ARIH1: variants seen among roughly 807,000 people sequenced by gnomAD.
ARIH1 encodes the protein ariadne RBR E3 ubiquitin protein ligase 1, also known as E3 ubiquitin-protein ligase ARIH1.
In ARIH1, 8 loss-of-function variants were observed where a neutral mutation model predicts 85.0. That is an observed-to-expected ratio of 0.09 (90% CI 0.06 to 0.17). The LOEUF (loss-of-function observed/expected upper bound fraction) is 0.17. Among genes scored for constraint, ARIH1 ranks in the 10% least tolerant of loss-of-function variants. The pLI, the probability that ARIH1 is intolerant of heterozygous loss-of-function variation, is 1.00. For synonymous variants in ARIH1, 238 were observed against 253.6 expected (o/e 0.94, Z 0.59); for missense variants, 311 against 718.1 (o/e 0.43, Z 6.48).
intron 1 of ARIH1, among the ~76,000 whole-genome samples, chr15:72,494,694 A>G (rs2063872697): frequency 6.6e-6 from 1 of 152,058 alleles, no homozygotes; most frequent in Non-Finnish European, 1.5e-5. Context: ...ATAAATGAGA[A>G]CAGGACGGGA....
intron 1 of ARIH1, among the ~76,000 whole-genome samples, chr15:72,513,514 A>G (rs2063958850): frequency 2.0e-5 from 3 of 152,174 alleles, no homozygotes; most frequent in South Asian, 2.1e-4. Context: ...TAAGTTTTCA[A>G]GAATTTAAGT....
chr15:72,529,156 A>G lies in ARIH1; in HGVS notation c.443+11022A>G, dbSNP rs199846487. Among the ~76,000 whole-genome samples the G allele has an allele frequency of 6.4e-4, 97 of 151,752 alleles. 1 individual carries two copies. The East Asian group carries it at 0.012, about 19-fold the overall frequency. ...CGGAGCTTGCAGTGAGCCGAGATCC[A>G]CCACTGCACTCCAGCCTGGGCGACA... On this transcript the variant is annotated intron_variant, in intron 2 of 13. Transcript: ENST00000379887.
chr15:72,555,370 A>G lies in ARIH1; in HGVS notation c.681+7A>G, dbSNP rs773473597. On this transcript the variant is annotated splice_region_variant and intron_variant, in intron 4 of 13. Coordinates refer to ENST00000379887, the MANE Select transcript of ARIH1 (RefSeq NM_005744.5). Reference sequence around the variant, plus strand: ...GGAAGAAGGCATGGGTCAGGTAAAGATATCAAGTTGTTTTTCAGTTTTTGT... The same window carrying G: ...GGAAGAAGGCATGGGTCAGGTAAAGGTATCAAGTTGTTTTTCAGTTTTTGT... The G allele has an allele frequency of 2.5e-5, 40 of 1,602,316 alleles. No homozygotes were observed. The Middle Eastern group carries it at 1.7e-3, about 68-fold the overall frequency.
At chr15:72,525,682 A>C (rs74552191) in intron 2 of ARIH1, among the ~76,000 whole-genome samples, 1,788 of 152,324 alleles carry the variant, frequency 0.012, 31 homozygotes, top group African/African-American at 0.04. Context: ...AGTGAAAAAA[A>C]CCCACAGTGC....
At chr15:72,515,650 C>T (rs539123220) in intron 1 of ARIH1, among the ~76,000 whole-genome samples, 48 of 152,276 alleles carry the variant, frequency 3.2e-4, no homozygotes, top group African/African-American at 1.1e-3. Flanking sequence ...GGCAGTGGTT[C>T]CATTATCTCT....
intron 5 of ARIH1, among the ~76,000 whole-genome samples, chr15:72,561,223 A>G (rs1294718272): frequency 6.6e-6 from 1 of 152,220 alleles, no homozygotes; most frequent in Non-Finnish European, 1.5e-5. Flanking sequence ...AGGCTGTAAT[A>G]AAAACTGGGT....
rs2064237070 is a variant in ARIH1 at position 72,570,230 on chromosome 15, G to C, written c.1080G>C (p.Met360Ile). Residue 360 changes from methionine to isoleucine, a missense_variant, in exon 10 of 14, where the codon ATG (methionine) becomes ATC (isoleucine). Physicochemically the swap from Met to Ile is conservative, Grantham distance 10 (BLOSUM62 1). Coordinates refer to ENST00000379887, the MANE Select transcript of ARIH1 (RefSeq NM_005744.5). ...AGAAGGATGGTGGTTGTAATCACAT[G>C]GTCTGTCGTAACCAGAATTGTAAAG... The part of the protein sequence containing the change: ...TIEKDGGCNH[M>I]VCRNQNCKAE... 1 of 1,613,902 alleles carries C rather than the reference G, an allele frequency of 6.2e-7. No homozygotes were observed. Among genetic ancestry groups the C allele is most frequent in the Non-Finnish European group, 8.5e-7 (1 of 1,179,950 alleles).
In ARIH1 at chr15:72,599,371, A is replaced by G. The variant is rs1047453000; in HGVS notation, c.*16079A>G. 1 of 152,170 alleles carries G rather than the reference A, an allele frequency of 6.6e-6. No homozygotes were observed. The highest frequency in any genetic ancestry group is 2.4e-5 in the African/African-American group (1 of 41,440). 9.4% of individuals were successfully genotyped at this position (152,170 alleles called of 1,614,324 possible). On this transcript the variant is annotated 3_prime_UTR_variant, in exon 14 of 14. Coordinates refer to ENST00000379887, the MANE Select transcript of ARIH1 (RefSeq NM_005744.5). ...AAGTACATGGATAATACAAAGTTAA[A>G]TTTTGTAGAATCATAAAGAAAAGCA...
chr15:72,496,675 G>C, intron 1 of ARIH1: 1 of 325,622 alleles, frequency 3.1e-6, no homozygotes. Context: ...AGATAGGGGT[G>C]TTTTCTTCTG....
At chr15:72,530,428 G>GA (rs1483698521) in intron 2 of ARIH1, among the ~76,000 whole-genome samples, 4 of 152,190 alleles carry the variant, frequency 2.6e-5, no homozygotes, top group African/African-American at 4.8e-5. Flanking sequence ...TACTAAGAGC[G>GA]AAAATTGAAT....
At chr15:72,493,869 T>A (rs946548075) in intron 1 of ARIH1, among the ~76,000 whole-genome samples, 1 of 136,500 alleles carries the variant, frequency 7.3e-6, no homozygotes, top group African/African-American at 2.5e-5. Context: ...TAAACTTTTT[T>A]AAAGGATTTT....
intron 10 of ARIH1, 99 bp from the exon 11 acceptor site, chr15:72,572,009 G>A (rs948833128): frequency 7.4e-6 from 6 of 807,178 alleles, no homozygotes; most frequent in Non-Finnish European, 1.0e-5. Context: ...TAACGTTGGT[G>A]TTAGATAATC....
chr15:72,557,432 T>C (rs992477861), intron 5 of ARIH1, among the ~76,000 whole-genome samples: 1 of 152,166 alleles, frequency 6.6e-6, no homozygotes, highest in African/African-American at 2.4e-5. Flanking sequence ...AAGTTCCTTA[T>C]AGATTCTGGA....
rs377669926 is a variant in ARIH1, at chr15:72,531,812, TTTAA to T, written c.444-13002_444-12999del. ...GAAAATATATTCATAAACAGTATGT[TTTAA>T]TTAATATAAATGGTTTTATGTTGTA... On this transcript the variant is annotated intron_variant, in intron 2 of 13. Transcript: ENST00000379887. Among the ~76,000 whole-genome samples, 30 of 152,330 alleles carry T rather than the reference TTTAA, an allele frequency of 2.0e-4. No individual in the cohort carries two copies. The East Asian group carries it at 2.1e-3, about 11-fold the overall frequency.
chr15:72,588,337 G>C lies in ARIH1; in HGVS notation c.*5045G>C, dbSNP rs989074880. On this transcript the variant is annotated 3_prime_UTR_variant, in exon 14 of 14. Transcript: ENST00000379887. Reference sequence around the variant, plus strand: ...GCCACTGTCCATCTGGCATTACCTAGACCAGTGATACTTAAACTTGACTGC... The same window carrying C: ...GCCACTGTCCATCTGGCATTACCTACACCAGTGATACTTAAACTTGACTGC... The C allele has an allele frequency of 1.3e-5, 2 of 152,070 alleles. No individual in the cohort carries two copies. The highest frequency in any genetic ancestry group is 2.9e-5 in the Non-Finnish European group (2 of 68,000). The allele number at this position is 152,070 out of a possible 1,614,324, so 9.4% of individuals were successfully genotyped here.
Position 72,550,125 on chromosome 15 carries a change from G to A in ARIH1, c.589-5146G>A, listed in dbSNP as rs909265701. Among the ~76,000 whole-genome samples, 19 of 152,164 alleles carry A rather than the reference G, an allele frequency of 1.2e-4. 1 individual carries two copies. The highest frequency in any genetic ancestry group is 4.3e-4 in the African/African-American group (18 of 41,434). On this transcript the variant is annotated intron_variant, in intron 3 of 13. Coordinates refer to ENST00000379887, the MANE Select transcript of ARIH1 (RefSeq NM_005744.5). ...TTTTTATTTTTTTGCTCTATCTTTA[G>A]ACATCCATGTATGATTTATTTTTCT...
At chr15:72,478,216 A>G in intron 1 of ARIH1, among the ~76,000 whole-genome samples, 1 of 152,140 alleles carries the variant, frequency 6.6e-6, no homozygotes, top group Middle Eastern at 3.2e-3. Context: ...CTTGGGTTCA[A>G]GCAATTCTCC....
chr15:72,479,138 C>T lies in ARIH1; in HGVS notation c.375+4124C>T, dbSNP rs1267707014. Among the ~76,000 whole-genome samples, 4 of 152,034 alleles carry T rather than the reference C, an allele frequency of 2.6e-5. No individual in the cohort carries two copies. The East Asian group carries it at 7.7e-4, about 29-fold the overall frequency. On this transcript the variant is annotated intron_variant, in intron 1 of 13. Transcript: ENST00000379887. The stretch of plus-strand genomic sequence containing the variant: ...CTGGAAATCCAAAACTTTTTGAGCA[C>T]CGTTGTGATGCTCAAAGGAAATGCT...
intron 2 of ARIH1, 90 bp downstream of exon 2, chr15:72,518,224 GAA>G: frequency 9.5e-7 from 1 of 1,051,788 alleles, no homozygotes; most frequent in Non-Finnish European, 1.4e-6. Flanking sequence ...GGGAATTGAT[GAA>G]TATACCAGTA....
Sources: gnomAD v4.1 joint callset for allele counts (sites outside exome capture counted in the v4.1 genomes callset) on GRCh38, gnomAD v4.1.1 for gene constraint, MANE v1.5 for transcripts, NCBI Gene and HGNC (gene_info 2026-07-23, HGNC 2026-07-21) for gene names.